Variants in PPP3CA observed in about 807,000 individuals in gnomAD.
The protein encoded by PPP3CA is CAM-PRP catalytic subunit.
In PPP3CA, 14 loss-of-function variants were observed where a neutral mutation model predicts 66.5. That is an observed-to-expected ratio of 0.21 (90% CI 0.14 to 0.33). The LOEUF (loss-of-function observed/expected upper bound fraction) is 0.33. PPP3CA is among the 10% of genes least tolerant of loss of function. The probability of loss-of-function intolerance (pLI) is 1.00; values close to 1 mark genes in which losing one functional copy is unlikely to be tolerated. For synonymous variants in PPP3CA, 232 were observed against 226.2 expected (o/e 1.03, Z -0.23); for missense variants, 317 against 639.5 (o/e 0.50, Z 5.44).
chr4:101,076,896 C>A (rs1238963995), intron 8 of PPP3CA, among the ~76,000 whole-genome samples: 1 of 152,164 alleles, frequency 6.6e-6, no homozygotes, highest in East Asian at 1.9e-4. Context: ...TATTCACAAA[C>A]GAACATTTTT....
At position 101,199,846 on chromosome 4, in the gene PPP3CA, C is replaced by T. The variant is rs189527325; in HGVS notation, c.59-3730G>A. Among the ~76,000 whole-genome samples the T allele has an allele frequency of 5.3e-5, 8 of 152,302 alleles. No homozygotes were observed. In the South Asian group the frequency reaches 1.7e-3, roughly 32 times the overall value. On this transcript the variant is annotated intron_variant, in intron 1 of 13. Coordinates refer to ENST00000394854, the MANE Select transcript of PPP3CA (RefSeq NM_000944.5). ...GATACGGAGAAAGGTTACTAGTCTA[C>T]CTATGAACCAAACTCATATGCTTCC...
chr4:101,096,023 C>G (rs892149388), intron 5 of PPP3CA, among the ~76,000 whole-genome samples: 1 of 152,084 alleles, frequency 6.6e-6, no homozygotes, highest in Admixed American at 6.6e-5. Context: ...AAGACCAATG[C>G]TCTATGCTCT....
At position 101,241,581 on chromosome 4, in the gene PPP3CA, A is replaced by G. The variant is rs561790140; in HGVS notation, c.59-45465T>C. 2.0e-5 allele frequency among the ~76,000 whole-genome samples: 3 copies of G among 152,284 alleles called. No homozygotes were observed. In the South Asian group the frequency reaches 6.2e-4, roughly 32 times the overall value. ...TATTTAGTTGTCTATAACAATAGCC[A>G]ATATTAATCCAATGCTTACTATTTT... On this transcript the variant is annotated intron_variant, in intron 1 of 13. Transcript: ENST00000394854.
chr4:101,039,233 C>T lies in PPP3CA; in HGVS notation c.1241+1249G>A, dbSNP rs1727395326. Among the ~76,000 whole-genome samples, 2 of 144,816 alleles carry T rather than the reference C, an allele frequency of 1.4e-5. 1 individual carries two copies. Among genetic ancestry groups the T allele is most frequent in the Admixed American group, 1.4e-4 (2 of 14,488 alleles). On this transcript the variant is annotated intron_variant, in intron 11 of 13. Coordinates refer to ENST00000394854, the MANE Select transcript of PPP3CA (RefSeq NM_000944.5). ...CTTGAACTCCCTTACCTCATTTCTTCATGAAGGTCACCTATGCTTGCCCAA... is the reference window on the plus strand; with the variant it reads ...CTTGAACTCCCTTACCTCATTTCTTTATGAAGGTCACCTATGCTTGCCCAA...
At chr4:101,204,449 A>G (rs1725066438) in intron 1 of PPP3CA, among the ~76,000 whole-genome samples, 1 of 152,100 alleles carries the variant, frequency 6.6e-6, no homozygotes, top group Non-Finnish European at 1.5e-5. Flanking sequence ...ATCCTGGCTA[A>G]CACGGTGAAA....
chr4:101,241,644 C>CGGT (rs1726314275), intron 1 of PPP3CA, among the ~76,000 whole-genome samples: 1 of 152,078 alleles, frequency 6.6e-6, no homozygotes, highest in Non-Finnish European at 1.5e-5. Context: ...ATTAACCTGA[C>CGGT]AATACCTTCC....
rs936105729 is a variant in PPP3CA, at chr4:101,023,993, A to C, written c.*1872T>G. The C allele has an allele frequency of 6.6e-6, 1 of 152,536 alleles. No individual in the cohort carries two copies. Among genetic ancestry groups the C allele is most frequent in the Non-Finnish European group, 1.5e-5 (1 of 68,040 alleles). 9.4% of individuals were successfully genotyped at this position (152,536 alleles called of 1,614,324 possible). On this transcript the variant is annotated 3_prime_UTR_variant, in exon 14 of 14. Transcript: ENST00000394854. ...TAGTACTTTTTGCTTTAGCAGATAG[A>C]TAGGGCATCCAATACAACTGAAACA... is the stretch of plus-strand genomic sequence containing the variant.
chr4:101,047,796 T>C (rs1168189859), intron 10 of PPP3CA, among the ~76,000 whole-genome samples: 1 of 152,088 alleles, frequency 6.6e-6, no homozygotes, highest in Non-Finnish European at 1.5e-5. Context: ...TAACTAAATT[T>C]TAGAAATTTC....
intron 2 of PPP3CA, among the ~76,000 whole-genome samples, chr4:101,138,611 G>A (rs935365407): frequency 1.3e-5 from 2 of 152,136 alleles, no homozygotes; most frequent in Admixed American, 6.5e-5. Flanking sequence ...TCCTTGGAGT[G>A]TCATGTTGGT....
intron 2 of PPP3CA, among the ~76,000 whole-genome samples, chr4:101,152,555 TG>T (rs1723176406): frequency 6.6e-6 from 1 of 152,208 alleles, no homozygotes; most frequent in African/African-American, 2.4e-5. Context: ...AATTGGCAGT[TG>T]TAAGACCAGA....
At chr4:101,036,919 G>C (rs938571190) in intron 11 of PPP3CA, among the ~76,000 whole-genome samples, 5 of 152,152 alleles carry the variant, frequency 3.3e-5, no homozygotes, top group Non-Finnish European at 7.3e-5. Context: ...GAATATTCTG[G>C]AATACTTCCT....
Position 101,108,944 on chromosome 4 carries a change from G to A in PPP3CA, c.384+10C>T, listed in dbSNP as rs767181569. ...AACTGAACAGCAAAGAAGACATGATGTAGACTTACTTCAATACTGAAGTAC... is the reference window on the plus strand; with the variant it reads ...AACTGAACAGCAAAGAAGACATGATATAGACTTACTTCAATACTGAAGTAC... On this transcript the variant is annotated intron_variant, in intron 3 of 13. Coordinates refer to ENST00000394854, the MANE Select transcript of PPP3CA (RefSeq NM_000944.5). The A allele has an allele frequency of 6.2e-7, 1 of 1,612,562 alleles. No individual in the cohort carries two copies. The highest frequency in any genetic ancestry group is 1.1e-5 in the South Asian group (1 of 90,888).
chr4:101,184,369 G>A (rs1488319769), intron 2 of PPP3CA, among the ~76,000 whole-genome samples: 1 of 152,130 alleles, frequency 6.6e-6, no homozygotes, highest in African/African-American at 2.4e-5. Flanking sequence ...TTATTGCCAA[G>A]CTTCAGCTTC....
chr4:101,099,673 A>G lies in PPP3CA; in HGVS notation c.434T>C (p.Phe145Ser). Reference protein sequence around the residue: ...ALKILYPKTLFLLRGNHECRH... With the variant: ...ALKILYPKTLSLLRGNHECRH... ...ACATTCATGATTTCCACGAAGTAAAAACAGTGTTTTGGGGTAGAGAATTTT... is the reference window on the plus strand; with the variant it reads ...ACATTCATGATTTCCACGAAGTAAAGACAGTGTTTTGGGGTAGAGAATTTT... Residue 145 changes from phenylalanine to serine, a missense_variant, in exon 4 of 14, where the codon TTT becomes TCT. Around this residue, in one of 3 missense-constraint regions of PPP3CA, gnomAD observed 201 missense variants for 501.4 expected, o/e 0.40. Coordinates refer to ENST00000394854, the MANE Select transcript of PPP3CA (RefSeq NM_000944.5). The G allele has an allele frequency of 6.3e-7, 1 of 1,597,184 alleles. No homozygotes were observed. Among genetic ancestry groups the G allele is most frequent in the Non-Finnish European group, 8.5e-7 (1 of 1,171,324 alleles).
intron 1 of PPP3CA, among the ~76,000 whole-genome samples, chr4:101,197,718 G>A (rs1252922127): frequency 6.6e-6 from 1 of 152,090 alleles, no homozygotes; most frequent in Non-Finnish European, 1.5e-5. Context: ...GATGAGTAAG[G>A]CATACATACA....
intron 1 of PPP3CA, among the ~76,000 whole-genome samples, chr4:101,340,361 T>C (rs1729775435): frequency 6.6e-6 from 1 of 152,194 alleles, no homozygotes; most frequent in Non-Finnish European, 1.5e-5. Flanking sequence ...AGAATCTACC[T>C]GAATTCCAAA....
intron 1 of PPP3CA, among the ~76,000 whole-genome samples, chr4:101,281,536 A>G (rs1031434808): frequency 6.6e-6 from 1 of 152,032 alleles, no homozygotes; most frequent in African/African-American, 2.4e-5. Flanking sequence ...TTTGATTTGT[A>G]TAAAAAGTTA....
chr4:101,199,865 T>C (rs937511541), intron 1 of PPP3CA, among the ~76,000 whole-genome samples: 2 of 152,234 alleles, frequency 1.3e-5, no homozygotes, highest in East Asian at 1.9e-4. Flanking sequence ...CAAACTCATA[T>C]GCTTCCCATA....
intron 1 of PPP3CA, among the ~76,000 whole-genome samples, chr4:101,224,637 A>T (rs769932563): frequency 6.6e-6 from 1 of 151,788 alleles, no homozygotes; most frequent in Non-Finnish European, 1.5e-5. Context: ...GACTTTGAAA[A>T]ACCTGCCGTA....
Sources: allele counts gnomAD v4.1 joint callset (sites outside exome capture counted in the v4.1 genomes callset), GRCh38; gene constraint gnomAD v4.1.1; regional missense constraint gnomAD v4.1.1; transcripts MANE v1.5; gene names NCBI Gene and HGNC (gene_info 2026-07-23, HGNC 2026-07-21).